SLC44A5: variants seen among roughly 807,000 people sequenced by gnomAD.
SLC44A5 encodes choline transporter-like protein 5.
SLC44A5 carries 57 observed loss-of-function variants against 101.8 expected under a neutral mutation model. That is an observed-to-expected ratio of 0.56 (90% CI 0.45 to 0.70). The LOEUF is 0.70. SLC44A5 is among the 30% of genes least tolerant of loss of function. The pLI, the probability that SLC44A5 is intolerant of heterozygous loss-of-function variation, is 0.00. For missense variants in SLC44A5, 737 were observed against 853.1 expected (o/e 0.86, Z 1.70); for synonymous variants, 281 against 290.9 (o/e 0.97, Z 0.35).
chr1:75,558,538 A>G (rs756199029), intron 1 of SLC44A5, among the ~76,000 whole-genome samples: 5 of 152,124 alleles, frequency 3.3e-5, no homozygotes, highest in Non-Finnish European at 5.9e-5. Context: ...GAAAAACTCC[A>G]CACTACCTTA....
At chr1:75,241,893 C>A in intron 9 of SLC44A5, 108 bp downstream of exon 9, 1 of 916,980 alleles carries the variant, frequency 1.1e-6, no homozygotes. Flanking sequence ...TTTAGGCAGT[C>A]AGAGGACCAT....
chr1:75,218,721 C>A lies in SLC44A5; in HGVS notation c.1298G>T (p.Cys433Phe), dbSNP rs761822499. The change falls in exon 17 of 24, where the codon TGC (cysteine) becomes TTC (phenylalanine). Residue 433 changes from cysteine to phenylalanine, a missense_variant. Physicochemically the swap from Cys to Phe is radical, Grantham distance 205. Transcript: ENST00000370859. ...AGCAAAGTTACACAGAGCCCCAGGG[C>A]AAGCTTTGGCAATTTCAGTTGTATT... Reference protein sequence around the residue: ...IFNTTEIAKACPGALCNFAFY... With the variant: ...IFNTTEIAKAFPGALCNFAFY... 2.5e-6 allele frequency: 4 copies of A among 1,612,444 alleles called. No individual in the cohort carries two copies. The highest frequency in any genetic ancestry group is 2.5e-6 in the Non-Finnish European group (3 of 1,179,322).
chr1:75,401,177 G>A (rs1451414257), intron 2 of SLC44A5, among the ~76,000 whole-genome samples: 2 of 152,190 alleles, frequency 1.3e-5, no homozygotes, highest in South Asian at 4.1e-4. Context: ...GCAAGAAATG[G>A]AACCAGGGTA....
At chr1:75,649,826 G>T in the SLC44A5 span, among the ~76,000 whole-genome samples, 11 of 152,180 alleles carry the variant, frequency 7.2e-5, no homozygotes, top group Non-Finnish European at 1.5e-4. Flanking sequence ...GAGCAGAGGT[G>T]TATGCCTGTA....
At chr1:75,348,002 A>T (rs1187796102) in intron 3 of SLC44A5, among the ~76,000 whole-genome samples, 1 of 152,084 alleles carries the variant, frequency 6.6e-6, no homozygotes, top group Non-Finnish European at 1.5e-5. Flanking sequence ...GAGAAGGAAA[A>T]CCTAGCATTT....
At chr1:75,359,223 T>G (rs572761572) in intron 3 of SLC44A5, among the ~76,000 whole-genome samples, 1 of 149,868 alleles carries the variant, frequency 6.7e-6, no homozygotes, top group African/African-American at 2.5e-5. Context: ...ATATGCCATT[T>G]TCTTTTCTTT....
At chr1:75,563,815 T>C (rs1207747925) in intron 1 of SLC44A5, among the ~76,000 whole-genome samples, 1 of 152,176 alleles carries the variant, frequency 6.6e-6, no homozygotes, top group Non-Finnish European at 1.5e-5. Flanking sequence ...CCATCAGTTT[T>C]CAAACAGGTG....
At chr1:75,423,398 C>T (rs555699244) in intron 2 of SLC44A5, among the ~76,000 whole-genome samples, 57 of 152,300 alleles carry the variant, frequency 3.7e-4, no homozygotes, top group African/African-American at 1.3e-3. Context: ...AAATATTGAT[C>T]TAACACAGAA....
chr1:75,212,537 G>A (rs187406258), intron 22 of SLC44A5, among the ~76,000 whole-genome samples: 25 of 152,168 alleles, frequency 1.6e-4, no homozygotes, highest in African/African-American at 6.0e-4. Context: ...TCTTTCTCAC[G>A]ACTGTATAGT....
At chr1:75,556,877 T>G (rs1018918348) in intron 1 of SLC44A5, among the ~76,000 whole-genome samples, 3 of 151,746 alleles carry the variant, frequency 2.0e-5, no homozygotes, top group Non-Finnish European at 2.9e-5. Context: ...GTAAAATAAA[T>G]AAAGAAAGAC....
intron 1 of SLC44A5, among the ~76,000 whole-genome samples, chr1:75,576,402 C>T (rs1673367266): frequency 6.6e-6 from 1 of 151,940 alleles, no homozygotes; most frequent in South Asian, 2.1e-4. Context: ...GCAAGCTCCA[C>T]CTCCCGGGTT....
In SLC44A5 at chr1:75,384,038, A is replaced by T. The variant is rs1274660916; in HGVS notation, c.52+12545T>A. 2.0e-5 allele frequency among the ~76,000 whole-genome samples: 3 copies of T among 151,528 alleles called. No homozygotes were observed. The East Asian group carries it at 5.9e-4, about 30-fold the overall frequency. Reference sequence around the variant, plus strand: ...TTTTGTCACCACCAGGCCTGCCCTAAAAGAGCTCCTGAAGGAAGCACTAAA... The same window carrying T: ...TTTTGTCACCACCAGGCCTGCCCTATAAGAGCTCCTGAAGGAAGCACTAAA... On this transcript the variant is annotated intron_variant, in intron 3 of 23. Coordinates refer to ENST00000370859, the MANE Select transcript of SLC44A5 (RefSeq NM_001130058.2).
intron 6 of SLC44A5, among the ~76,000 whole-genome samples, chr1:75,267,783 C>A (rs951332465): frequency 1.3e-5 from 2 of 151,904 alleles, no homozygotes; most frequent in African/African-American, 4.8e-5. Context: ...GTTGCCCAGG[C>A]CAGTCTTGAA....
At chr1:75,685,967 C>A in the SLC44A5 span, among the ~76,000 whole-genome samples, 2 of 152,254 alleles carry the variant, frequency 1.3e-5, no homozygotes, top group African/African-American at 2.4e-5. Context: ...GAAGGGGAAG[C>A]AAACATGTTC....
chr1:75,255,710 G>A (rs1034789385), intron 6 of SLC44A5, among the ~76,000 whole-genome samples: 1 of 152,046 alleles, frequency 6.6e-6, no homozygotes, highest in African/African-American at 2.4e-5. Context: ...AATTAAACAG[G>A]CCTCTATCAA....
intron 5 of SLC44A5, among the ~76,000 whole-genome samples, chr1:75,278,834 CA>C (rs1652147459): frequency 6.6e-6 from 1 of 151,986 alleles, no homozygotes; most frequent in Non-Finnish European, 1.5e-5. Context: ...ATTCTAACAA[CA>C]AAAAAGTAGA....
At chr1:75,450,762 C>T (rs1354027243) in intron 2 of SLC44A5, among the ~76,000 whole-genome samples, 4 of 152,182 alleles carry the variant, frequency 2.6e-5, no homozygotes, top group African/African-American at 7.2e-5. Flanking sequence ...GGACTTGGAG[C>T]ACCTGCTCAC....
the SLC44A5 span, among the ~76,000 whole-genome samples, chr1:75,680,908 A>T: frequency 6.6e-6 from 1 of 151,250 alleles, no homozygotes; most frequent in South Asian, 2.1e-4. Context: ...AAATAGACGC[A>T]ATAAAAAATG....
chr1:75,659,485 G>GAAGGAAGA, the SLC44A5 span, among the ~76,000 whole-genome samples: 8 of 69,700 alleles, frequency 1.1e-4, 2 homozygotes, highest in East Asian at 5.0e-4. Context: ...AGGAAGGAAG[G>GAAGGAAGA]AAGGAAGGCA....
Sources: allele counts gnomAD v4.1 joint callset (sites outside exome capture counted in the v4.1 genomes callset), GRCh38; gene constraint gnomAD v4.1.1; transcripts MANE v1.5; gene names NCBI Gene and HGNC (gene_info 2026-07-23, HGNC 2026-07-21).